Variants in EPB41L3 observed in about 807,000 individuals in gnomAD.
EPB41L3 encodes erythrocyte membrane protein band 4.1 like 3.
Under a neutral mutation model 127.1 loss-of-function variants are expected in EPB41L3, and 57 were observed. The ratio of observed to expected loss-of-function variants is 0.45; its 90% confidence interval spans 0.36 to 0.56. EPB41L3 has a LOEUF of 0.56. Ranked by LOEUF, EPB41L3 falls within the 20% of genes least tolerant of loss-of-function variation. The pLI, the probability that EPB41L3 is intolerant of heterozygous loss-of-function variation, is 0.00. For missense variants in EPB41L3, 1,273 were observed against 1,372.2 expected, an observed-to-expected ratio of 0.93 and a Z score of 1.14; for synonymous variants, 572 against 549.5, an observed-to-expected ratio of 1.04 and a Z score of -0.57.
chr18:5,442,106 A>T (rs954016727), intron 5 of EPB41L3, among the ~76,000 whole-genome samples: 1 of 152,252 alleles, frequency 6.6e-6, no homozygotes, highest in African/African-American at 2.4e-5. Flanking sequence ...TATTCCATTA[A>T]TTAGATGAAT....
At chr18:5,541,067 A>G (rs1476941995) in intron 1 of EPB41L3, among the ~76,000 whole-genome samples, 2 of 139,756 alleles carry the variant, frequency 1.4e-5, no homozygotes, top group Admixed American at 7.3e-5. Context: ...CCTGGGCGAC[A>G]GAGCGAGACT....
At chr18:5,445,661 G>T (rs768388464) in intron 3 of EPB41L3, among the ~76,000 whole-genome samples, 1 of 152,162 alleles carries the variant, frequency 6.6e-6, no homozygotes, top group Non-Finnish European at 1.5e-5. Flanking sequence ...CAATTATCTA[G>T]ATCAGGAGTC....
At chr18:5,547,640 A>G (rs906912615), upstream of EPB41L3, among the ~76,000 whole-genome samples, 1 of 152,208 alleles carries the variant, frequency 6.6e-6, no homozygotes, top group South Asian at 2.1e-4. Flanking sequence ...AGCCAGAGAA[A>G]AGGTGCAGAG....
intron 11 of EPB41L3, 127 bp downstream of exon 11, chr18:5,423,251 A>C (rs2077705184): frequency 1.0e-6 from 1 of 983,794 alleles, no homozygotes; most frequent in African/African-American, 1.7e-5. Flanking sequence ...CCATTCAGTC[A>C]ATAAGCAACA....
At position 5,484,075 on chromosome 18, in the gene EPB41L3, C is replaced by A. The variant is rs1427242365; in HGVS notation, c.183+4926G>T. Among the ~76,000 whole-genome samples the A allele has an allele frequency of 1.3e-4, 3 of 23,904 alleles. No individual in the cohort carries two copies. The East Asian group carries it at 2.8e-3, about 22-fold the overall frequency. 15.7% of individuals were successfully genotyped at this position (23,904 alleles called of 152,430 possible). ...CCATGTCTTAGGCTATAAAACAAGT[C>A]CAAACAAACTCAAAAAAAAAAAAAA... is the stretch of plus-strand genomic sequence containing the variant. On this transcript the variant is annotated intron_variant, in intron 2 of 22. Coordinates refer to ENST00000341928, the MANE Select transcript of EPB41L3 (RefSeq NM_012307.5).
intron 3 of EPB41L3, among the ~76,000 whole-genome samples, chr18:5,554,060 CTT>C: frequency 6.6e-6 from 1 of 152,248 alleles, no homozygotes; most frequent in East Asian, 1.9e-4. Context: ...TACTTCAAGT[CTT>C]TGCTCCCGTC....
At position 5,441,251 on chromosome 18, in the gene EPB41L3, C is replaced by A. The variant is rs572231464; in HGVS notation, c.529+2587G>T. On this transcript the variant is annotated intron_variant, in intron 5 of 22. Coordinates refer to ENST00000341928, the MANE Select transcript of EPB41L3 (RefSeq NM_012307.5). ...GCTCGGTTTCCATTTTCTTAGAGAT[C>A]TCATTCTAAAGGAATACTGTGAGCC... is the stretch of plus-strand genomic sequence containing the variant. 5.3e-5 allele frequency among the ~76,000 whole-genome samples: 8 copies of A among 152,150 alleles called. No homozygotes were observed. The East Asian group carries it at 1.5e-3, about 29-fold the overall frequency.
intron 1 of EPB41L3, among the ~76,000 whole-genome samples, chr18:5,617,638 A>G (rs953762805): frequency 4.6e-5 from 7 of 152,206 alleles, no homozygotes; most frequent in African/African-American, 1.7e-4. Flanking sequence ...TATTTTTTAA[A>G]CGCAAATAAC....
At chr18:5,598,666 A>G (rs1412649014) in intron 3 of EPB41L3, among the ~76,000 whole-genome samples, 1 of 152,180 alleles carries the variant, frequency 6.6e-6, no homozygotes, top group African/African-American at 2.4e-5. Flanking sequence ...CCATGGTTTC[A>G]TTGTATCACC....
At chr18:5,612,377 C>T (rs1273642163) in exon 3 of EPB41L3, 2 of 152,250 alleles carry the variant, frequency 1.3e-5, no homozygotes, top group Non-Finnish European at 2.9e-5. Context: ...CCACTCATTC[C>T]ACAGCCTCAG....
At position 5,445,182 on chromosome 18, in the gene EPB41L3, T is replaced by C; in HGVS notation, c.444A>G (p.Lys148=). The part of the protein sequence containing the change: ...KVCEHLNLLE[K]DYFGLTYRDA... ...CTCGATACGTAAGCCCAAAGTAGTC[T>C]TTCTCTAGCAAGTTCAAGTGTTCAC... is the stretch of plus-strand genomic sequence containing the variant. The change falls in exon 4 of 23, where the codon AAA becomes AAG. Residue 148 remains lysine (K), a synonymous_variant. Transcript: ENST00000341928. The C allele has an allele frequency of 6.2e-7, 1 of 1,614,130 alleles. No homozygotes were observed. Among genetic ancestry groups the C allele is most frequent in the Non-Finnish European group, 8.5e-7 (1 of 1,180,022 alleles).
intron 2 of EPB41L3, among the ~76,000 whole-genome samples, chr18:5,488,513 T>C (rs942109562): frequency 3.3e-5 from 5 of 151,748 alleles, no homozygotes; most frequent in Non-Finnish European, 7.4e-5. Flanking sequence ...TGTATACCTA[T>C]GTAACAAACC....
At chr18:5,458,809 C>T (rs1304210467) in intron 3 of EPB41L3, among the ~76,000 whole-genome samples, 2 of 152,144 alleles carry the variant, frequency 1.3e-5, no homozygotes, top group Non-Finnish European at 2.9e-5. Flanking sequence ...AACTAATTGA[C>T]ATAACTGGGC....
In EPB41L3 at chr18:5,508,682, A is replaced by G. The variant is rs543049745; in HGVS notation, c.-11-19488T>C. On this transcript the variant is annotated intron_variant, in intron 1 of 22. Transcript: ENST00000341928. The stretch of plus-strand genomic sequence containing the variant: ...CTCAGGAGGCTGAGGCAGGAGAATC[A>G]CTTGAACCTGGGAGGTGGAGGTTGC... 1.8e-3 allele frequency among the ~76,000 whole-genome samples: 263 copies of G among 149,090 alleles called. 1 individual carries two copies. The highest frequency in any genetic ancestry group is 2.2e-3 in the Non-Finnish European group (148 of 67,676).
At chr18:5,445,034 A>C in intron 4 of EPB41L3, 106 bp downstream of exon 4, 2 of 769,670 alleles carry the variant, frequency 2.6e-6, no homozygotes, top group Non-Finnish European at 4.5e-6. Context: ...GTGTGGGAGA[A>C]TGAAGGGAGG....
Position 5,393,464 on chromosome 18 carries a change from C to T in EPB41L3, c.*21G>A. On this transcript the variant is annotated 3_prime_UTR_variant, in exon 23 of 23. Transcript: ENST00000341928. ...CGGTTTGCATGACTGCATTCATGTG[C>T]AAGCTAAGTTATTCCTGCAAAAAAG... is the stretch of plus-strand genomic sequence containing the variant. 2.9e-6 allele frequency: 2 copies of T among 701,254 alleles called. No homozygotes were observed. The highest frequency in any genetic ancestry group is 1.5e-5 in the South Asian group (1 of 67,264). The allele number at this position is 701,254 out of a possible 1,614,324, so 43.4% of individuals were successfully genotyped here. A position where few individuals can be genotyped will look rare whatever the true frequency, so the allele number is the denominator to read the frequency against.
intron 3 of EPB41L3, among the ~76,000 whole-genome samples, chr18:5,551,203 G>A (rs940314558): frequency 2.6e-5 from 4 of 152,116 alleles, no homozygotes; most frequent in Non-Finnish European, 4.4e-5. Context: ...TCAAACAGGC[G>A]TGCAGTGAGT....
chr18:5,495,175 C>A (rs1598312088), intron 1 of EPB41L3, among the ~76,000 whole-genome samples: 1 of 152,152 alleles, frequency 6.6e-6, no homozygotes, highest in African/African-American at 2.4e-5. Context: ...TTTGGCCATG[C>A]TAAGTTCAAA....
At chr18:5,499,829 G>GTATATA (rs35194563) in intron 1 of EPB41L3, among the ~76,000 whole-genome samples, 2 of 124,618 alleles carry the variant, frequency 1.6e-5, no homozygotes, top group African/African-American at 3.1e-5. Flanking sequence ...CTATGTGTGT[G>GTATATA]TATATATATA....
Sources: allele counts gnomAD v4.1 joint callset (sites outside exome capture counted in the v4.1 genomes callset), GRCh38; gene constraint gnomAD v4.1.1; transcripts MANE v1.5; gene names NCBI Gene and HGNC (gene_info 2026-07-23, HGNC 2026-07-21).